INO80D: variants seen among roughly 807,000 people sequenced by gnomAD.
INO80D encodes INO80 complex subunit D.
A neutral mutation model predicts 87.6 loss-of-function variants in INO80D; 21 were observed. That is an observed-to-expected ratio of 0.24 (90% CI 0.17 to 0.35). The LOEUF (loss-of-function observed/expected upper bound fraction) is 0.35. Ranked by LOEUF, INO80D falls within the 10% of genes least tolerant of loss-of-function variation. INO80D has a pLI of 1.00. For missense variants in INO80D, 982 were observed against 1,280.7 expected (o/e 0.77, Z 3.56); for synonymous variants, 440 against 491.0 (o/e 0.90, Z 1.37).
At chr2:206,010,051 T>C (rs1391285471) in intron 8 of INO80D, among the ~76,000 whole-genome samples, 3 of 136,932 alleles carry the variant, frequency 2.2e-5, no homozygotes, top group Non-Finnish European at 3.3e-5. Context: ...GTCATTATAG[T>C]TGACACTGTC....
At chr2:206,079,154 C>A (rs1288927058) in intron 1 of INO80D, among the ~76,000 whole-genome samples, 1 of 151,974 alleles carries the variant, frequency 6.6e-6, no homozygotes, top group Non-Finnish European at 1.5e-5. Flanking sequence ...TTCACTGCAA[C>A]CTTGACCTCC....
chr2:206,023,818 C>G (rs1271372085), intron 6 of INO80D, among the ~76,000 whole-genome samples: 6 of 151,978 alleles, frequency 3.9e-5, no homozygotes, highest in Non-Finnish European at 8.8e-5. Context: ...TCAAATCAAT[C>G]TGAAAACTAT....
At chr2:206,069,360 A>AT (rs1295707271) in intron 1 of INO80D, among the ~76,000 whole-genome samples, 1 of 152,122 alleles carries the variant, frequency 6.6e-6, no homozygotes, top group Non-Finnish European at 1.5e-5. Flanking sequence ...AATATAATAT[A>AT]TAATACATAT....
rs1687909367 is a variant in INO80D at position 206,001,634 on chromosome 2, A to G, written c.*2734T>C. ...ACTAATAGACGAGAATGGCTCTATT[A>G]AGTAAAAGAAAAACACAGATCTCTC... On this transcript the variant is annotated 3_prime_UTR_variant, in exon 11 of 11. Coordinates refer to ENST00000403263, the MANE Select transcript of INO80D (RefSeq NM_017759.5). 6.6e-6 allele frequency: 1 copy of G among 152,208 alleles called. No individual in the cohort carries two copies. The highest frequency in any genetic ancestry group is 1.5e-5 in the Non-Finnish European group (1 of 68,024). 9.4% of individuals were successfully genotyped at this position (152,208 alleles called of 1,614,324 possible).
intron 6 of INO80D, chr2:206,025,659 T>C (rs1160917709): frequency 6.6e-6 from 1 of 150,640 alleles, no homozygotes; most frequent in Non-Finnish European, 1.5e-5. Flanking sequence ...ATTTCTTTGC[T>C]CCTTCTCCAC....
intron 9 of INO80D, among the ~76,000 whole-genome samples, chr2:206,009,215 G>A (rs1688104738): frequency 1.3e-5 from 2 of 152,192 alleles, no homozygotes; most frequent in Non-Finnish European, 2.9e-5. Context: ...GGCTGAGGCA[G>A]AAGAATCGCT....
chr2:206,022,813 AAGCAATTCTCCCAC>A (rs1688501463), intron 6 of INO80D, among the ~76,000 whole-genome samples: 1 of 152,166 alleles, frequency 6.6e-6, no homozygotes, highest in Non-Finnish European at 1.5e-5. Flanking sequence ...TCCCGGGTTC[AAGCAATTCTCCCAC>A]AGCAGCCTCC....
At chr2:206,061,154 G>A (rs1015080771) in intron 3 of INO80D, among the ~76,000 whole-genome samples, 1 of 152,008 alleles carries the variant, frequency 6.6e-6, no homozygotes, top group African/African-American at 2.4e-5. Flanking sequence ...TGGGACTCTA[G>A]GCGTGTACCA....
chr2:206,019,220 A>G (rs1688396156), intron 7 of INO80D, among the ~76,000 whole-genome samples: 1 of 152,184 alleles, frequency 6.6e-6, no homozygotes, highest in African/African-American at 2.4e-5. Flanking sequence ...GCTCTTTAAC[A>G]TAGGTTTTCT....
chr2:206,031,095 T>C (rs1197975466), intron 5 of INO80D, among the ~76,000 whole-genome samples: 1 of 151,314 alleles, frequency 6.6e-6, no homozygotes, highest in Non-Finnish European at 1.5e-5. Context: ...GAACTAAAAA[T>C]ACAAAAAAAA....
chr2:206,033,245 T>C (rs944323647), intron 5 of INO80D, among the ~76,000 whole-genome samples: 2 of 152,128 alleles, frequency 1.3e-5, no homozygotes, highest in Non-Finnish European at 2.9e-5. Flanking sequence ...AGGGATATTA[T>C]ATAATAGTAA....
At chr2:206,052,587 A>G (rs1444826211) in intron 4 of INO80D, among the ~76,000 whole-genome samples, 2 of 152,012 alleles carry the variant, frequency 1.3e-5, no homozygotes, top group Non-Finnish European at 2.9e-5. Context: ...AGACAGGAGG[A>G]TCAGCCTGGG....
Position 206,085,839 on chromosome 2 carries a change from C to T in INO80D, c.-124+62G>A, listed in dbSNP as rs1270937226. ...TCGCCGCCCGCCCAGCCTGCGCGGC[C>T]CAGCCCGCCGCCCTACGGGAGCCCG... On this transcript the variant is annotated intron_variant, in intron 1 of 10. Coordinates refer to ENST00000403263, the MANE Select transcript of INO80D (RefSeq NM_017759.5). This position sits in a 1 kb window ranked among gnomAD's most constrained non-coding sequence, Gnocchi z 4.5. The T allele has an allele frequency of 6.6e-6, 1 of 152,200 alleles. No individual in the cohort carries two copies. Among genetic ancestry groups the T allele is most frequent in the Non-Finnish European group, 1.5e-5 (1 of 68,176 alleles). The allele number at this position is 152,200 out of a possible 1,614,324, so 9.4% of individuals were successfully genotyped here.
chr2:206,030,562 G>A (rs986311901), intron 5 of INO80D, among the ~76,000 whole-genome samples: 4 of 152,056 alleles, frequency 2.6e-5, no homozygotes, highest in South Asian at 4.2e-4. Context: ...AATACAACAC[G>A]TAAGCCAAGA....
intron 6 of INO80D, among the ~76,000 whole-genome samples, chr2:206,020,676 G>A (rs1453450872): frequency 6.6e-6 from 1 of 151,822 alleles, no homozygotes; most frequent in Non-Finnish European, 1.5e-5. Context: ...TTATGAATAA[G>A]CAATGCATTC....
At chr2:206,040,803 A>G in intron 5 of INO80D, 1 of 203,728 alleles carries the variant, frequency 4.9e-6, no homozygotes, top group South Asian at 6.5e-5. Context: ...AGAGATACAA[A>G]ACGGGCAAGA....
intron 7 of INO80D, 52 bp downstream of exon 7, chr2:206,019,684 C>A: frequency 7.5e-7 from 1 of 1,330,048 alleles, no homozygotes; most frequent in East Asian, 2.4e-5. Flanking sequence ...ATATACAGCC[C>A]CAAATTAGGT....
intron 5 of INO80D, among the ~76,000 whole-genome samples, chr2:206,043,081 T>C (rs553029118): frequency 1.3e-5 from 2 of 152,342 alleles, no homozygotes; most frequent in African/African-American, 4.8e-5. Flanking sequence ...TCAGTTTTCT[T>C]TTAAAAACTC....
At chr2:206,046,190 A>G (rs1689188390) in intron 5 of INO80D, among the ~76,000 whole-genome samples, 2 of 152,208 alleles carry the variant, frequency 1.3e-5, no homozygotes, top group African/African-American at 4.8e-5. Context: ...TAATAACATA[A>G]AAGTATCAGC....
Sources: allele counts gnomAD v4.1 joint callset (sites outside exome capture counted in the v4.1 genomes callset), GRCh38; gene constraint gnomAD v4.1.1; non-coding constraint Gnocchi (gnomAD v3.1); transcripts MANE v1.5; gene names NCBI Gene and HGNC (gene_info 2026-07-23, HGNC 2026-07-21).